XYLT1: variants seen among roughly 807,000 people sequenced by gnomAD.
The protein encoded by XYLT1 is xylosyltransferase 1.
In XYLT1, 36 loss-of-function variants were observed where a neutral mutation model predicts 91.3. The observed-to-expected ratio is 0.39, with a 90% confidence interval of 0.30 to 0.52. The LOEUF (loss-of-function observed/expected upper bound fraction) is 0.52, where lower values mean the gene tolerates loss of function less well. Among genes scored for constraint, XYLT1 ranks in the 20% least tolerant of loss-of-function variants. The probability of loss-of-function intolerance (pLI) is 0.68; values close to 1 mark genes in which losing one functional copy is unlikely to be tolerated. For missense variants in XYLT1, 1,242 were observed against 1,284.5 expected (o/e 0.97, Z 0.51); for synonymous variants, 588 against 532.0 (o/e 1.11, Z -1.45).
At chr16:17,271,097 A>T (rs1056324616) in intron 2 of XYLT1, among the ~76,000 whole-genome samples, 1 of 152,210 alleles carries the variant, frequency 6.6e-6, no homozygotes, top group African/African-American at 2.4e-5. Flanking sequence ...GTTTTGGAAC[A>T]AAATGCCTCA....
chr16:17,461,131 A>T (rs2036814938), intron 1 of XYLT1, among the ~76,000 whole-genome samples: 1 of 152,154 alleles, frequency 6.6e-6, no homozygotes, highest in Admixed American at 6.5e-5. Flanking sequence ...CCCCTGGATC[A>T]TTTCCAGGGT....
chr16:17,212,446 C>A (rs1445059202), intron 3 of XYLT1, among the ~76,000 whole-genome samples: 2 of 152,152 alleles, frequency 1.3e-5, no homozygotes, highest in Non-Finnish European at 2.9e-5. Flanking sequence ...ACATTTTGGA[C>A]ACCTTTTCTT....
chr16:17,179,679 T>C (rs2032023943), intron 5 of XYLT1, among the ~76,000 whole-genome samples: 1 of 152,232 alleles, frequency 6.6e-6, no homozygotes, highest in Non-Finnish European at 1.5e-5. Flanking sequence ...ACTCAATAAG[T>C]ACTTGCCAAA....
intron 1 of XYLT1, among the ~76,000 whole-genome samples, chr16:17,467,541 C>T (rs1251962818): frequency 6.6e-6 from 1 of 152,158 alleles, no homozygotes; most frequent in African/African-American, 2.4e-5. Context: ...TTAAAAGAGG[C>T]TGAGAGGAAA....
chr16:17,186,704 C>A (rs946084257), intron 5 of XYLT1, among the ~76,000 whole-genome samples: 5 of 152,100 alleles, frequency 3.3e-5, no homozygotes, highest in African/African-American at 1.2e-4. Context: ...GTCTGTCCTG[C>A]TCCCTGCGGA....
rs1359263982 is a variant in XYLT1 at position 17,141,373 on chromosome 16, G to A, written c.1371-4C>T. On this transcript the variant is annotated splice_region_variant and splice_polypyrimidine_tract_variant and intron_variant, in intron 6 of 11. Coordinates refer to ENST00000261381, the MANE Select transcript of XYLT1 (RefSeq NM_022166.4). ...CAGGCCCTGCTTCCGAATGAACCTGGGAGGGAGAAAGCTGCCCTTAGCCCA... is the reference window on the plus strand; with the variant it reads ...CAGGCCCTGCTTCCGAATGAACCTGAGAGGGAGAAAGCTGCCCTTAGCCCA... The A allele has an allele frequency of 1.2e-6, 2 of 1,613,426 alleles. No homozygotes were observed. The highest frequency in any genetic ancestry group is 1.3e-5 in the African/African-American group (1 of 75,036).
At chr16:17,433,888 C>T (rs1427906644) in intron 1 of XYLT1, among the ~76,000 whole-genome samples, 2 of 152,004 alleles carry the variant, frequency 1.3e-5, no homozygotes, top group Non-Finnish European at 2.9e-5. Context: ...CCCACCCCCG[C>T]TTTTTTTTCC....
At chr16:17,396,283 A>G (rs1390488526) in intron 1 of XYLT1, among the ~76,000 whole-genome samples, 1 of 152,172 alleles carries the variant, frequency 6.6e-6, no homozygotes, top group Admixed American at 6.5e-5. Flanking sequence ...GACGTGAAAT[A>G]CCTGCTGGGT....
intron 3 of XYLT1, among the ~76,000 whole-genome samples, chr16:17,215,121 C>T (rs569636271): frequency 6.3e-4 from 96 of 152,160 alleles, no homozygotes; most frequent in African/African-American, 2.2e-3. Flanking sequence ...TTTGGGAGGC[C>T]GAAGTGGGTG....
chr16:17,458,585 C>A (rs1567210568), intron 1 of XYLT1, among the ~76,000 whole-genome samples: 1 of 152,068 alleles, frequency 6.6e-6, no homozygotes, highest in Non-Finnish European at 1.5e-5. Flanking sequence ...ACTTGAACTT[C>A]AGAACAAAAC....
At chr16:17,443,699 T>G (rs2036559431) in intron 1 of XYLT1, among the ~76,000 whole-genome samples, 1 of 152,218 alleles carries the variant, frequency 6.6e-6, no homozygotes, top group South Asian at 2.1e-4. Flanking sequence ...AGAAACGTAG[T>G]GATACAACTA....
At chr16:17,390,133 GT>G (rs1291606204) in intron 1 of XYLT1, among the ~76,000 whole-genome samples, 2 of 152,178 alleles carry the variant, frequency 1.3e-5, no homozygotes, top group Non-Finnish European at 2.9e-5. Context: ...TAAGAGATCT[GT>G]TCTTAATCCG....
At chr16:17,370,296 T>C (rs2035514743) in intron 1 of XYLT1, among the ~76,000 whole-genome samples, 1 of 152,220 alleles carries the variant, frequency 6.6e-6, no homozygotes, top group African/African-American at 2.4e-5. Flanking sequence ...GACGACGCTG[T>C]GCTAAGTCCC....
chr16:17,418,904 C>T (rs2036214986), intron 1 of XYLT1, among the ~76,000 whole-genome samples: 1 of 151,842 alleles, frequency 6.6e-6, no homozygotes, highest in Admixed American at 6.6e-5. Context: ...TCATTGACAG[C>T]ACAGGGGTCT....
intron 2 of XYLT1, among the ~76,000 whole-genome samples, chr16:17,296,540 C>T (rs937166542): frequency 3.9e-5 from 6 of 152,258 alleles, no homozygotes; most frequent in Admixed American, 2.6e-4. Flanking sequence ...GGAAATTAGA[C>T]GTGCAAGATA....
intron 2 of XYLT1, among the ~76,000 whole-genome samples, chr16:17,325,002 T>G (rs1056892386): frequency 6.6e-6 from 1 of 152,172 alleles, no homozygotes; most frequent in African/African-American, 2.4e-5. Flanking sequence ...GTTATTTATT[T>G]ATAAGTATCT....
chr16:17,232,030 C>T (rs1041662658), intron 3 of XYLT1, among the ~76,000 whole-genome samples: 35 of 149,380 alleles, frequency 2.3e-4, no homozygotes, highest in African/African-American at 8.6e-4. Context: ...GCTGAATAGT[C>T]AACGATGGAC....
chr16:17,378,847 G>A (rs1029117153), intron 1 of XYLT1, among the ~76,000 whole-genome samples: 14 of 152,160 alleles, frequency 9.2e-5, no homozygotes, highest in Admixed American at 9.2e-4. Flanking sequence ...ATTCTCCTAA[G>A]CTCAGATTAA....
chr16:17,345,964 C>A (rs1017236027), intron 2 of XYLT1, among the ~76,000 whole-genome samples: 3 of 152,168 alleles, frequency 2.0e-5, no homozygotes, highest in African/African-American at 7.2e-5. Context: ...GCGTGTGCCA[C>A]CACACGTGGC....
Sources: gnomAD v4.1 joint callset for allele counts (sites outside exome capture counted in the v4.1 genomes callset) on GRCh38, gnomAD v4.1.1 for gene constraint, MANE v1.5 for transcripts, NCBI Gene and HGNC (gene_info 2026-07-23, HGNC 2026-07-21) for gene names.